Variants in ADAM12 observed in about 807,000 individuals in gnomAD.
ADAM12 encodes ADAM metallopeptidase domain 12, also known as disintegrin and metalloproteinase domain-containing protein 12.
In ADAM12, 70 loss-of-function variants were observed where a neutral mutation model predicts 106.4. The ratio of observed to expected loss-of-function variants is 0.66; its 90% CI spans 0.54 to 0.80. The LOEUF is 0.80. Ranked by LOEUF, ADAM12 falls within the 30% of genes least tolerant of loss-of-function variation. ADAM12 has a pLI of 0.00. For missense variants in ADAM12, 1,010 were observed against 1,171.9 expected (o/e 0.86, Z 2.02); for synonymous variants, 420 against 433.5 (o/e 0.97, Z 0.39).
intron 18 of ADAM12, among the ~76,000 whole-genome samples, chr10:126,039,904 G>T (rs1276499010): frequency 6.6e-6 from 1 of 152,206 alleles, no homozygotes; most frequent in Non-Finnish European, 1.5e-5. Context: ...TTTAAAAAAT[G>T]AATTGCTTTC....
intron 2 of ADAM12, among the ~76,000 whole-genome samples, chr10:126,289,082 C>T (rs1188509974): frequency 6.7e-6 from 1 of 148,720 alleles, no homozygotes; most frequent in Non-Finnish European, 1.5e-5. Context: ...CACGGTGGCC[C>T]AGGGACAGGA....
At chr10:126,214,642 C>T (rs1422943365) in intron 3 of ADAM12, among the ~76,000 whole-genome samples, 1 of 152,132 alleles carries the variant, frequency 6.6e-6, no homozygotes, top group African/African-American at 2.4e-5. Flanking sequence ...GATTGAGTTT[C>T]TGTGTGCATT....
chr10:126,288,365 C>T (rs991083318), intron 2 of ADAM12, among the ~76,000 whole-genome samples: 3 of 152,270 alleles, frequency 2.0e-5, no homozygotes, highest in African/African-American at 7.2e-5. Flanking sequence ...GGTCCCAGCA[C>T]CCTCAGCTCT....
chr10:126,356,576 G>A (rs1855549770), intron 1 of ADAM12, among the ~76,000 whole-genome samples: 2 of 152,154 alleles, frequency 1.3e-5, no homozygotes, highest in South Asian at 2.1e-4. Context: ...CAAGAACATA[G>A]CATTACAAAG....
intron 4 of ADAM12, among the ~76,000 whole-genome samples, chr10:126,140,220 TCTAAGTAG>T (rs1239651654): frequency 1.2e-4 from 18 of 152,212 alleles, no homozygotes. Flanking sequence ...GAAATGCTGC[TCTAAGTAG>T]CTAAATACTG....
intron 3 of ADAM12, among the ~76,000 whole-genome samples, chr10:126,268,474 AGCTTTGTAATGATGAT>A (rs1959145242): frequency 6.6e-6 from 1 of 152,230 alleles, no homozygotes; most frequent in South Asian, 2.1e-4. Context: ...GATGAAGCCC[AGCTTTGTAATGATGAT>A]GCTACCTATG....
chr10:126,385,419 T>C (rs1856628845), intron 1 of ADAM12, among the ~76,000 whole-genome samples: 1 of 152,210 alleles, frequency 6.6e-6, no homozygotes, highest in African/African-American at 2.4e-5. Flanking sequence ...ACACTCTTAA[T>C]ACCCCAGAGA....
At chr10:126,340,058 T>C (rs1437486839) in intron 1 of ADAM12, among the ~76,000 whole-genome samples, 6 of 152,054 alleles carry the variant, frequency 3.9e-5, no homozygotes, top group South Asian at 4.1e-4. Context: ...TTTCACCACA[T>C]TGGCCAGCAT....
At chr10:126,383,618 GACT>G (rs955949010) in intron 1 of ADAM12, among the ~76,000 whole-genome samples, 1 of 152,050 alleles carries the variant, frequency 6.6e-6, no homozygotes, top group Non-Finnish European at 1.5e-5. Flanking sequence ...AAGAAAAAAA[GACT>G]ACATTTAAAG....
intron 3 of ADAM12, among the ~76,000 whole-genome samples, chr10:126,261,587 G>A (rs1959002212): frequency 6.6e-6 from 1 of 152,104 alleles, no homozygotes; most frequent in Admixed American, 6.5e-5. Flanking sequence ...TGAAGGGCAG[G>A]AACCGTGTGT....
At chr10:126,145,600 G>C (rs1956612367) in intron 4 of ADAM12, 2 of 152,378 alleles carry the variant, frequency 1.3e-5, no homozygotes, top group South Asian at 2.1e-4. Flanking sequence ...TCAGATTCTA[G>C]AGTCAGACTA....
chr10:126,113,730 AT>A lies in ADAM12; in HGVS notation c.604-3891del, dbSNP rs57572862. ...TATATATATATATATATATATATAT[AT>A]AATATATTGCTCTGGCTACTGGAAG... On this transcript the variant is annotated intron_variant, in intron 6 of 22. Coordinates refer to ENST00000448723, the MANE Select transcript of ADAM12 (RefSeq NM_001288973.2). Among the ~76,000 whole-genome samples, 157 of 38,014 alleles carry A rather than the reference AT, an allele frequency of 4.1e-3. 14 individuals are homozygous for A. The highest frequency in any genetic ancestry group is 0.014 in the African/African-American group (133 of 9,282). The allele number at this position is 38,014 out of a possible 152,430, so 24.9% of individuals were successfully genotyped here.
chr10:126,220,869 T>G (rs1958077346), intron 3 of ADAM12, among the ~76,000 whole-genome samples: 1 of 152,262 alleles, frequency 6.6e-6, no homozygotes, highest in African/African-American at 2.4e-5. Flanking sequence ...CTGGGGCACC[T>G]GTGGGTTCCT....
At chr10:126,356,833 T>TA (rs1855558149) in intron 1 of ADAM12, among the ~76,000 whole-genome samples, 1 of 152,122 alleles carries the variant, frequency 6.6e-6, no homozygotes, top group Non-Finnish European at 1.5e-5. Flanking sequence ...ATACAATGGC[T>TA]AAACTTTAAA....
At position 126,046,066 on chromosome 10, in the gene ADAM12, G is replaced by A. The variant is rs752850470; in HGVS notation, c.1984C>T (p.His662Tyr). 1.2e-6 allele frequency: 2 copies of A among 1,613,914 alleles called. No individual in the cohort carries two copies. The highest frequency in any genetic ancestry group is 2.7e-5 in the African/African-American group (2 of 74,886). Reference sequence around the variant, plus strand: ...CTCAGCCTACTCACCCCTCTGCCGTGGCACTGCATTGCACACTCGTGAACC... The same window carrying A: ...CTCAGCCTACTCACCCCTCTGCCGTAGCACTGCATTGCACACTCGTGAACC... ...FGVHECAMQC[H>Y]GRGVCNNRKN... The change falls in exon 17 of 23, where the codon CAC (histidine) becomes TAC (tyrosine). Residue 662 changes from histidine (H) to tyrosine (Y), a missense_variant. His to Tyr is a moderately conservative substitution (Grantham distance 83). Transcript: ENST00000448723.
chr10:126,307,730 G>A (rs1288871741), intron 2 of ADAM12, among the ~76,000 whole-genome samples: 11 of 152,012 alleles, frequency 7.2e-5, no homozygotes, highest in Admixed American at 7.2e-4. Flanking sequence ...AGTAGAGACA[G>A]GGTTTCACTA....
At chr10:126,278,650 T>G (rs1048662249) in intron 3 of ADAM12, among the ~76,000 whole-genome samples, 44 of 152,164 alleles carry the variant, frequency 2.9e-4, no homozygotes, top group African/African-American at 9.4e-4. Context: ...ATCAAATCTT[T>G]GAACAACCAG....
chr10:126,143,566 C>A (rs183540512), intron 4 of ADAM12, among the ~76,000 whole-genome samples: 1 of 123,968 alleles, frequency 8.1e-6, no homozygotes, highest in East Asian at 3.0e-4. Flanking sequence ...TATATGTGGG[C>A]ACATGTGTAT....
At chr10:126,219,425 A>G (rs1460437507) in intron 3 of ADAM12, among the ~76,000 whole-genome samples, 1 of 152,062 alleles carries the variant, frequency 6.6e-6, no homozygotes, top group Non-Finnish European at 1.5e-5. Context: ...ACTTACATTA[A>G]TCTCTTTAGC....
Sources: gnomAD v4.1 joint callset for allele counts (sites outside exome capture counted in the v4.1 genomes callset) on GRCh38, gnomAD v4.1.1 for gene constraint, MANE v1.5 for transcripts, NCBI Gene and HGNC (gene_info 2026-07-23, HGNC 2026-07-21) for gene names.